RSPO2: variants seen among roughly 807,000 people sequenced by gnomAD.
RSPO2 encodes R-spondin 2.
A neutral mutation model predicts 30.9 loss-of-function variants in RSPO2; 14 were observed. The ratio of observed to expected loss-of-function variants is 0.45; its 90% CI spans 0.30 to 0.71. RSPO2 has a LOEUF of 0.71. Among genes scored for constraint, RSPO2 ranks in the 30% least tolerant of loss-of-function variants. RSPO2 has a pLI of 0.08. For synonymous variants in RSPO2, 107 were observed against 96.4 expected (o/e 1.11, Z -0.64); for missense variants, 264 against 301.9 (o/e 0.87, Z 0.93).
chr8:107,935,028 G>A (rs974500013), intron 5 of RSPO2, among the ~76,000 whole-genome samples: 1 of 152,162 alleles, frequency 6.6e-6, no homozygotes, highest in African/African-American at 2.4e-5. Context: ...CATCCAAAAG[G>A]AACAGGATGG....
chr8:108,048,924 T>G (rs908248875), intron 2 of RSPO2, among the ~76,000 whole-genome samples: 69 of 152,198 alleles, frequency 4.5e-4, no homozygotes, highest in Non-Finnish European at 5.7e-4. Context: ...ATTTCGTTGT[T>G]TAGCCAGTAG....
At chr8:108,058,894 C>T (rs1812351882) in intron 2 of RSPO2, among the ~76,000 whole-genome samples, 1 of 151,450 alleles carries the variant, frequency 6.6e-6, no homozygotes, top group African/African-American at 2.4e-5. Context: ...CCATAAAAAC[C>T]CTAGAAGAAA....
intron 2 of RSPO2, among the ~76,000 whole-genome samples, chr8:108,048,509 G>A (rs913184464): frequency 4.6e-5 from 7 of 152,010 alleles, no homozygotes; most frequent in African/African-American, 1.4e-4. Flanking sequence ...CTGTGGGATT[G>A]GTGGCGATAT....
At chr8:107,918,948 G>A (rs1030829847) in intron 5 of RSPO2, among the ~76,000 whole-genome samples, 1 of 152,004 alleles carries the variant, frequency 6.6e-6, no homozygotes, top group African/African-American at 2.4e-5. Context: ...TTCTTTGTGG[G>A]CTACAAGTCC....
At chr8:107,905,208 C>T (rs528714203) in intron 5 of RSPO2, among the ~76,000 whole-genome samples, 25 of 152,190 alleles carry the variant, frequency 1.6e-4, no homozygotes, top group East Asian at 1.9e-4. Flanking sequence ...CTTTCCATCA[C>T]TGGAAAAATG....
chr8:107,913,627 T>C (rs986638563), intron 5 of RSPO2, among the ~76,000 whole-genome samples: 10 of 152,280 alleles, frequency 6.6e-5, no homozygotes, highest in African/African-American at 2.4e-4. Context: ...ATTTCCAAGG[T>C]TGTAAGAAAT....
rs1563740946 is a variant in RSPO2, at chr8:107,900,949, A to G, written c.*126T>C. On this transcript the variant is annotated 3_prime_UTR_variant, in exon 6 of 6. Coordinates refer to ENST00000276659, the MANE Select transcript of RSPO2 (RefSeq NM_178565.5). ...CATGCTGGTGGTGCTTCCTTTCACC[A>G]TGTTACTGGGAACAGATACTGGGCA... 1.0e-6 allele frequency: 1 copy of G among 972,340 alleles called. No homozygotes were observed. The highest frequency in any genetic ancestry group is 1.5e-6 in the Non-Finnish European group (1 of 658,308). The allele number at this position is 972,340 out of a possible 1,614,324, so 60.2% of individuals were successfully genotyped here. A position where few individuals can be genotyped will look rare whatever the true frequency, so the allele number is the denominator to read the frequency against.
chr8:107,995,672 C>T (rs1016019829), intron 2 of RSPO2, among the ~76,000 whole-genome samples: 1 of 152,098 alleles, frequency 6.6e-6, no homozygotes, highest in African/African-American at 2.4e-5. Flanking sequence ...TTCCAATAGC[C>T]TAGGTTGCTG....
At position 108,024,747 on chromosome 8, in the gene RSPO2, T is replaced by C. The variant is rs370061405; in HGVS notation, c.95-35503A>G. On this transcript the variant is annotated intron_variant, in intron 2 of 5. Coordinates refer to ENST00000276659, the MANE Select transcript of RSPO2 (RefSeq NM_178565.5). ...AAACACAACAAGGATAGGCTGGGCA[T>C]GGTGGCTCACGCCTGTAATCCCAGC... 1.2e-4 allele frequency among the ~76,000 whole-genome samples: 18 copies of C among 152,262 alleles called. No individual in the cohort carries two copies. In the East Asian group the frequency reaches 2.3e-3, roughly 20 times the overall value.
At chr8:107,955,687 G>A (rs503575) in intron 5 of RSPO2, among the ~76,000 whole-genome samples, 87,554 of 151,852 alleles carry the variant, frequency 0.58, 26,130 homozygotes, top group East Asian at 0.7. Context: ...ATAGTTTTCA[G>A]TGTAATATCT....
chr8:107,928,429 A>G (rs1038709507), intron 5 of RSPO2, among the ~76,000 whole-genome samples: 1 of 152,234 alleles, frequency 6.6e-6, no homozygotes, highest in Non-Finnish European at 1.5e-5. Flanking sequence ...TTGCCAAAGT[A>G]TTCCAGATTA....
intron 3 of RSPO2, among the ~76,000 whole-genome samples, chr8:107,972,191 G>A (rs1814024297): frequency 2.0e-5 from 3 of 151,860 alleles, no homozygotes; most frequent in Admixed American, 6.6e-5. Context: ...TGTCACCCGG[G>A]ATGGAGTGCA....
At chr8:108,024,837 T>C (rs987770496) in intron 2 of RSPO2, among the ~76,000 whole-genome samples, 16 of 151,494 alleles carry the variant, frequency 1.1e-4, no homozygotes, top group African/African-American at 3.7e-4. Context: ...TTGCGTGACA[T>C]GGAAAAACAC....
intron 2 of RSPO2, among the ~76,000 whole-genome samples, chr8:108,018,255 A>G (rs1451671433): frequency 6.6e-6 from 1 of 152,206 alleles, no homozygotes; most frequent in African/African-American, 2.4e-5. Context: ...AAATAAGAAA[A>G]TTAATCCTAG....
At chr8:108,003,995 C>T (rs1057382042) in intron 2 of RSPO2, among the ~76,000 whole-genome samples, 2 of 152,140 alleles carry the variant, frequency 1.3e-5, no homozygotes, top group East Asian at 1.9e-4. Context: ...ATAATTCGTT[C>T]GCTGCTCCTT....
intron 3 of RSPO2, among the ~76,000 whole-genome samples, chr8:107,982,712 G>T (rs1814487742): frequency 6.6e-6 from 1 of 152,112 alleles, no homozygotes; most frequent in Admixed American, 6.5e-5. Flanking sequence ...CAAAAACAAT[G>T]AAATGGCTCA....
chr8:108,051,142 GAAGA>G (rs1812067601), intron 2 of RSPO2, among the ~76,000 whole-genome samples: 1 of 152,136 alleles, frequency 6.6e-6, no homozygotes, highest in Admixed American at 6.6e-5. Flanking sequence ...TAAATTTGGT[GAAGA>G]AAGAGAAAAA....
intron 2 of RSPO2, among the ~76,000 whole-genome samples, chr8:108,074,596 ACTTT>A (rs1247560619): frequency 3.3e-5 from 5 of 152,210 alleles, no homozygotes; most frequent in African/African-American, 1.2e-4. Context: ...AATATTCATT[ACTTT>A]ATTAGCATAA....
chr8:108,029,662 G>C (rs1005426173), intron 2 of RSPO2, among the ~76,000 whole-genome samples: 1 of 152,136 alleles, frequency 6.6e-6, no homozygotes, highest in African/African-American at 2.4e-5. Flanking sequence ...GAAGAACAAT[G>C]ATGACTCAAG....
Sources: gnomAD v4.1 joint callset for allele counts (sites outside exome capture counted in the v4.1 genomes callset) on GRCh38, gnomAD v4.1.1 for gene constraint, MANE v1.5 for transcripts, NCBI Gene and HGNC (gene_info 2026-07-23, HGNC 2026-07-21) for gene names.